Variants in CACNA1A observed in about 807,000 individuals in gnomAD.
The protein encoded by CACNA1A is calcium voltage-gated channel subunit alpha1 A, also known as voltage-dependent P/Q-type calcium channel subunit alpha-1A.
A neutral mutation model predicts 262.4 loss-of-function variants in CACNA1A; 57 were observed. The observed-to-expected ratio is 0.22, with a 90% CI of 0.18 to 0.27. CACNA1A has a LOEUF of 0.27. Ranked by LOEUF, CACNA1A falls within the 10% of genes least tolerant of loss-of-function variation. The pLI, the probability that CACNA1A is intolerant of heterozygous loss-of-function variation, is 1.00. For synonymous variants in CACNA1A, 1,431 were observed against 1,419.3 expected (o/e 1.01, Z -0.18); for missense variants, 2,526 against 3,562.8 (o/e 0.71, Z 7.41).
chr19:13,405,192 G>A (rs533156509), intron 3 of CACNA1A, among the ~76,000 whole-genome samples: 7 of 150,208 alleles, frequency 4.7e-5, no homozygotes, highest in African/African-American at 7.4e-5. Flanking sequence ...CAGCGCGCCC[G>A]GCCATTATTA....
At position 13,491,316 on chromosome 19, in the gene CACNA1A, G is replaced by T. The variant is rs115881389; in HGVS notation, c.293+14616C>A. ...TGCCATGAGCTCTGGGGGCTGGGAT[G>T]AAGTTCTCATAAACTGCCAGGGCAG... On this transcript the variant is annotated intron_variant, in intron 1 of 46. Transcript: ENST00000360228. Among the ~76,000 whole-genome samples the T allele has an allele frequency of 3.8e-3, 586 of 152,300 alleles. 4 individuals carry two copies. The highest frequency in any genetic ancestry group is 0.013 in the African/African-American group (555 of 41,558).
At chr19:13,374,039 T>C (rs7250857) in intron 3 of CACNA1A, among the ~76,000 whole-genome samples, 38,066 of 151,940 alleles carry the variant, frequency 0.25, 5,280 homozygotes, top group Middle Eastern at 0.32. Flanking sequence ...CAAGTTCCCA[T>C]AGATGAGGGG....
chr19:13,385,555 T>C (rs1249913188), intron 3 of CACNA1A, among the ~76,000 whole-genome samples: 1 of 151,846 alleles, frequency 6.6e-6, no homozygotes, highest in Non-Finnish European at 1.5e-5. Flanking sequence ...GACAGAGTCC[T>C]AGTATGCTGC....
intron 34 of CACNA1A, among the ~76,000 whole-genome samples, chr19:13,232,075 A>G (rs551541926): frequency 2.0e-5 from 3 of 152,172 alleles, no homozygotes; most frequent in South Asian, 4.2e-4. Flanking sequence ...AAAAATACCA[A>G]TGCCCGTGCC....
At chr19:13,365,670 G>T (rs1329609766) in intron 4 of CACNA1A, 2 of 460,322 alleles carry the variant, frequency 4.3e-6, no homozygotes, top group Non-Finnish European at 7.8e-6. Flanking sequence ...CACTTCCTAG[G>T]TTTTTTTTTT....
intron 3 of CACNA1A, among the ~76,000 whole-genome samples, chr19:13,449,630 C>T (rs1049140008): frequency 1.3e-5 from 2 of 152,104 alleles, no homozygotes; most frequent in African/African-American, 4.8e-5. Context: ...CTTATCTATG[C>T]ATGTAGTCAA....
chr19:13,256,088 CA>C (rs2056562203), intron 28 of CACNA1A: 1 of 149,344 alleles, frequency 6.7e-6, no homozygotes, highest in South Asian at 2.1e-4. Flanking sequence ...CTCCTGGACT[CA>C]AGTGATCCTC....
chr19:13,464,565 T>TA (rs1568671573), intron 1 of CACNA1A, among the ~76,000 whole-genome samples: 1 of 134,910 alleles, frequency 7.4e-6, no homozygotes, highest in Non-Finnish European at 1.6e-5. Flanking sequence ...TTTTTTTTTT[T>TA]AGAGACCGAG....
intron 4 of CACNA1A, among the ~76,000 whole-genome samples, chr19:13,367,969 T>TC (rs2144538937): frequency 6.6e-6 from 1 of 152,182 alleles, no homozygotes; most frequent in East Asian, 1.9e-4. Context: ...ATACTGAAAT[T>TC]CGCATCCTGC....
At chr19:13,406,507 A>ATG (rs1437809821) in intron 3 of CACNA1A, among the ~76,000 whole-genome samples, 41 of 122,020 alleles carry the variant, frequency 3.4e-4, no homozygotes, top group Middle Eastern at 4.1e-3. Flanking sequence ...ATATATATAT[A>ATG]TATATGAAGG....
At chr19:13,431,995 C>A (rs1168339215) in intron 3 of CACNA1A, among the ~76,000 whole-genome samples, 2 of 150,548 alleles carry the variant, frequency 1.3e-5, no homozygotes, top group African/African-American at 4.9e-5. Flanking sequence ...GTCCCAGCTA[C>A]TCAGGAGGCT....
chr19:13,394,165 G>A (rs989139608), intron 3 of CACNA1A, among the ~76,000 whole-genome samples: 2 of 152,132 alleles, frequency 1.3e-5, no homozygotes, highest in Admixed American at 6.6e-5. Flanking sequence ...GACCCTACAA[G>A]TGTGGCGGTG....
chr19:13,253,443 TA>T (rs2056457201), intron 29 of CACNA1A, among the ~76,000 whole-genome samples: 1 of 108,588 alleles, frequency 9.2e-6, no homozygotes, highest in East Asian at 2.7e-4. Context: ...GGCTGAATTA[TA>T]CTTTTTTTTT....
At chr19:13,255,507 G>A (rs573549545) in intron 28 of CACNA1A, among the ~76,000 whole-genome samples, 3 of 152,032 alleles carry the variant, frequency 2.0e-5, no homozygotes, top group East Asian at 3.9e-4. Context: ...ATTATTGCAT[G>A]GCTAATACAA....
At chr19:13,229,880 GGGCAGGGTT>G (rs1409949108) in intron 36 of CACNA1A, 193 bp downstream of exon 36, 7 of 504,428 alleles carry the variant, frequency 1.4e-5, no homozygotes, top group African/African-American at 9.6e-5. Flanking sequence ...TCCAGGGTTT[GGGCAGGGTT>G]GGCACCCTAC....
At chr19:13,307,523 C>T (rs181549741) in intron 15 of CACNA1A, 84 of 423,300 alleles carry the variant, frequency 2.0e-4, no homozygotes, top group Non-Finnish European at 2.8e-4. Flanking sequence ...TGTGAGCCAC[C>T]GTACCTGGCC....
In CACNA1A at chr19:13,402,871, CACATATATATATATAT is replaced by C. The variant is rs1395067694; in HGVS notation, c.540-31108_540-31093del. On this transcript the variant is annotated intron_variant, in intron 3 of 46. Coordinates refer to ENST00000360228, the MANE Select transcript of CACNA1A (RefSeq NM_001127222.2). ...ACATATATATATACACACACACACA[CACATATATATATATAT>C]ATATATATATATATATATATATATA... Among the ~76,000 whole-genome samples, 387 of 64,182 alleles carry C rather than the reference CACATATATATATATAT, an allele frequency of 6.0e-3. 4 individuals carry two copies. Among genetic ancestry groups the C allele is most frequent in the East Asian group, 0.033 (56 of 1,706 alleles). 42.1% of individuals were successfully genotyped at this position (64,182 alleles called of 152,430 possible).
chr19:13,281,395 A>G (rs929068391), intron 22 of CACNA1A, among the ~76,000 whole-genome samples: 2 of 151,504 alleles, frequency 1.3e-5, no homozygotes, highest in Non-Finnish European at 2.9e-5. Context: ...AAAAAAAAAA[A>G]AAAGCCTGTG....
At chr19:13,411,744 C>T (rs1409631492) in intron 3 of CACNA1A, among the ~76,000 whole-genome samples, 1 of 151,924 alleles carries the variant, frequency 6.6e-6, no homozygotes, top group Non-Finnish European at 1.5e-5. Context: ...CAGGGTCTCA[C>T]TTTGTCTCCC....
Sources: gnomAD v4.1 joint callset for allele counts (sites outside exome capture counted in the v4.1 genomes callset) on GRCh38, gnomAD v4.1.1 for gene constraint, MANE v1.5 for transcripts, NCBI Gene and HGNC (gene_info 2026-07-23, HGNC 2026-07-21) for gene names.